MDFIC: variants seen among roughly 807,000 people sequenced by gnomAD.
MDFIC encodes the protein myoD family inhibitor domain-containing protein.
A neutral mutation model predicts 23.2 loss-of-function variants in MDFIC; 17 were observed. The observed-to-expected ratio is 0.73, with a 90% CI of 0.50 to 1.10. The LOEUF (loss-of-function observed/expected upper bound fraction) is 1.10. MDFIC is among the 50% of genes least tolerant of loss of function. The probability of loss-of-function intolerance (pLI) is 0.00; values close to 1 mark genes in which losing one functional copy is unlikely to be tolerated. For synonymous variants in MDFIC, 120 were observed against 115.2 expected, an observed-to-expected ratio of 1.04 and a Z score of -0.27; for missense variants, 356 against 316.6, an observed-to-expected ratio of 1.12 and a Z score of -0.95.
intron 3 of MDFIC, among the ~76,000 whole-genome samples, chr7:114,971,970 AC>A (rs1180570981): frequency 1.3e-5 from 2 of 152,226 alleles, no homozygotes; most frequent in Non-Finnish European, 2.9e-5. Flanking sequence ...GAATAAAAAA[AC>A]AAAAGACAAA....
chr7:114,931,021 G>A (rs1585091712), intron 2 of MDFIC, among the ~76,000 whole-genome samples: 2 of 152,260 alleles, frequency 1.3e-5, no homozygotes, highest in East Asian at 3.9e-4. Context: ...ATATGCACCA[G>A]TATTTTGGAT....
chr7:114,968,440 ACTT>A (rs1793145891), intron 3 of MDFIC, among the ~76,000 whole-genome samples: 1 of 152,182 alleles, frequency 6.6e-6, no homozygotes, highest in Admixed American at 6.5e-5. Flanking sequence ...ATGTGAATCT[ACTT>A]CTGCAAGTTT....
In MDFIC at chr7:115,017,911, G is replaced by A. The variant is rs138417761; in HGVS notation, c.*1976G>A. On this transcript the variant is annotated 3_prime_UTR_variant, in exon 5 of 5. Transcript: ENST00000393486. ...TTTTAAGAGAGGTTTTTAACCTGAA[G>A]CATGAGAATATATCACCTGTGGTTT... is the stretch of plus-strand genomic sequence containing the variant. 2 of 152,134 alleles carry A rather than the reference G, an allele frequency of 1.3e-5. No homozygotes were observed. The highest frequency in any genetic ancestry group is 3.9e-4 in the East Asian group (2 of 5,186). 9.4% of individuals were successfully genotyped at this position (152,134 alleles called of 1,614,324 possible). A position where few individuals can be genotyped will look rare whatever the true frequency, so the allele number is the denominator to read the frequency against.
At chr7:114,923,483 C>T (rs1284207162) in intron 2 of MDFIC, 2 of 1,537,826 alleles carry the variant, frequency 1.3e-6, no homozygotes, top group Non-Finnish European at 1.7e-6. Context: ...TCCAGGACTG[C>T]CGCAGCTCTC....
chr7:114,997,091 C>A (rs911355574), intron 4 of MDFIC, among the ~76,000 whole-genome samples: 1 of 152,106 alleles, frequency 6.6e-6, no homozygotes, highest in Non-Finnish European at 1.5e-5. Context: ...TCACTGGTGA[C>A]CTTCACCCTT....
intron 4 of MDFIC, among the ~76,000 whole-genome samples, chr7:114,994,275 C>T (rs1791262543): frequency 6.6e-6 from 1 of 152,194 alleles, no homozygotes; most frequent in Non-Finnish European, 1.5e-5. Context: ...CTGAATACAA[C>T]ACACTGTTGG....
intron 3 of MDFIC, among the ~76,000 whole-genome samples, chr7:114,968,494 G>A (rs1793147290): frequency 6.6e-6 from 1 of 152,160 alleles, no homozygotes; most frequent in Non-Finnish European, 1.5e-5. Context: ...ATTGTTGTTC[G>A]ATTATGTGGG....
intron 3 of MDFIC, among the ~76,000 whole-genome samples, chr7:114,951,328 G>C (rs1792764579): frequency 6.6e-6 from 1 of 151,454 alleles, no homozygotes; most frequent in Non-Finnish European, 1.5e-5. Context: ...TCTAAGGTGA[G>C]GTCCCTGAAA....
chr7:114,977,165 T>C (rs1409489783), intron 3 of MDFIC, among the ~76,000 whole-genome samples: 1 of 152,222 alleles, frequency 6.6e-6, no homozygotes, highest in African/African-American at 2.4e-5. Context: ...CTGTGATATA[T>C]AGCTTTGCTT....
rs1791837027 is a variant in MDFIC, at chr7:115,018,478, T to C, written c.*2543T>C. On this transcript the variant is annotated 3_prime_UTR_variant, in exon 5 of 5. Transcript: ENST00000393486. ...ATTTATGTTCATAGTACTTTTCCTC[T>C]TGTCTACTCCAGACAGTTATTCCAT... The C allele has an allele frequency of 1.3e-5, 2 of 152,404 alleles. No homozygotes were observed. Among genetic ancestry groups the C allele is most frequent in the African/African-American group, 4.8e-5 (2 of 41,456 alleles). The allele number at this position is 152,404 out of a possible 1,614,324, so 9.4% of individuals were successfully genotyped here.
intron 1 of MDFIC, 115 bp from the exon 2 acceptor site, chr7:114,922,812 T>A (rs1792111472): frequency 7.4e-7 from 1 of 1,353,658 alleles, no homozygotes. Context: ...AAATCAAAAC[T>A]TCCCCGGGGT....
Position 114,928,780 on chromosome 7 carries a change from A to T in MDFIC, c.94+5653A>T, listed in dbSNP as rs180907554. Among the ~76,000 whole-genome samples, 246 of 152,280 alleles carry T rather than the reference A, an allele frequency of 1.6e-3. 2 individuals carry two copies. The highest frequency in any genetic ancestry group is 7.2e-4 in the Non-Finnish European group (49 of 68,022). On this transcript the variant is annotated intron_variant, in intron 2 of 4. Coordinates refer to ENST00000393486, the MANE Select transcript of MDFIC (RefSeq NM_001166345.3). ...AACTGTTCTGGTGACAGTTCATAGAATGGTTTTGGAGGAAGAAGCAAGAGT... is the reference window on the plus strand; with the variant it reads ...AACTGTTCTGGTGACAGTTCATAGATTGGTTTTGGAGGAAGAAGCAAGAGT...
intron 2 of MDFIC, among the ~76,000 whole-genome samples, chr7:114,938,836 T>A (rs1352413191): frequency 1.3e-5 from 2 of 152,188 alleles, no homozygotes; most frequent in African/African-American, 4.8e-5. Context: ...ACCTCCATTA[T>A]CCAGAGTGAA....
At chr7:114,992,337 T>A (rs1411449604) in intron 4 of MDFIC, among the ~76,000 whole-genome samples, 4 of 151,626 alleles carry the variant, frequency 2.6e-5, no homozygotes, top group African/African-American at 9.7e-5. Context: ...TGAATACCCT[T>A]TATTTCTTTC....
intron 2 of MDFIC, among the ~76,000 whole-genome samples, chr7:114,926,745 T>C (rs1792198390): frequency 6.6e-6 from 1 of 152,196 alleles, no homozygotes; most frequent in African/African-American, 2.4e-5. Flanking sequence ...AGAGCTTTGA[T>C]TTAGAAGCTT....
chr7:115,016,103 G>C lies in MDFIC; in HGVS notation c.*168G>C, dbSNP rs1359030558. 4.7e-6 allele frequency: 3 copies of C among 631,788 alleles called. No individual in the cohort carries two copies. The highest frequency in any genetic ancestry group is 5.8e-5 in the East Asian group (2 of 34,780). 39.1% of individuals were successfully genotyped at this position (631,788 alleles called of 1,614,324 possible). ...TTTTTACTTTAACCAAATCTACATG[G>C]TTTAATATGTGAAATTTTAACTACT... On this transcript the variant is annotated 3_prime_UTR_variant, in exon 5 of 5. Coordinates refer to ENST00000393486, the MANE Select transcript of MDFIC (RefSeq NM_001166345.3).
At chr7:114,973,312 A>G (rs1290116340) in intron 3 of MDFIC, among the ~76,000 whole-genome samples, 1 of 152,132 alleles carries the variant, frequency 6.6e-6, no homozygotes, top group Non-Finnish European at 1.5e-5. Context: ...GCTGCCATAC[A>G]GATTCCTTTT....
chr7:114,931,072 CCTCT>C (rs200957078), intron 2 of MDFIC, among the ~76,000 whole-genome samples: 1 of 151,212 alleles, frequency 6.6e-6, no homozygotes, highest in South Asian at 2.1e-4. Flanking sequence ...TTTCCTCCTC[CCTCT>C]CTCTCTCTCT....
intron 2 of MDFIC, among the ~76,000 whole-genome samples, chr7:114,937,606 T>C (rs1585094124): frequency 6.6e-6 from 1 of 152,214 alleles, no homozygotes; most frequent in Admixed American, 6.5e-5. Context: ...ACACAGATGG[T>C]CAGCCTTTGA....
Sources: gnomAD v4.1 joint callset for allele counts (sites outside exome capture counted in the v4.1 genomes callset) on GRCh38, gnomAD v4.1.1 for gene constraint, MANE v1.5 for transcripts, NCBI Gene and HGNC (gene_info 2026-07-23, HGNC 2026-07-21) for gene names.